Variants in PUS7L observed in about 807,000 individuals in gnomAD.
The protein encoded by PUS7L is pseudouridylate synthase PUS7L.
PUS7L carries 49 observed loss-of-function variants against 51.1 expected under a neutral mutation model. That is an observed-to-expected ratio of 0.96 (90% CI 0.76 to 1.22). The LOEUF is 1.22. Ranked by LOEUF, PUS7L falls within the 50% of genes most tolerant of loss-of-function variation. PUS7L has a pLI of 0.00. For missense variants in PUS7L, 828 were observed against 820.6 expected, an observed-to-expected ratio of 1.01 and a Z score of -0.11; for synonymous variants, 277 against 276.2, an observed-to-expected ratio of 1.00 and a Z score of -0.03.
rs1190649399 is a variant in PUS7L, at chr12:43,721,396, A to T, written c.*8980T>A. 1 of 152,212 alleles carries T rather than the reference A, an allele frequency of 6.6e-6. No individual in the cohort carries two copies. Among genetic ancestry groups the T allele is most frequent in the Non-Finnish European group, 1.5e-5 (1 of 68,028 alleles). The allele number at this position is 152,212 out of a possible 1,614,324, so 9.4% of individuals were successfully genotyped here. On this transcript the variant is annotated 3_prime_UTR_variant, in exon 9 of 9. Transcript: ENST00000344862. ...TAAAAGGCAAAGATGAAAGTATTAC[A>T]AAAGAAAAAGCATTATAAAGATACC...
At chr12:43,737,598 T>A (rs1247069893) in intron 6 of PUS7L, among the ~76,000 whole-genome samples, 1 of 150,712 alleles carries the variant, frequency 6.6e-6, no homozygotes, top group African/African-American at 2.4e-5. Context: ...ATAAATAATA[T>A]TATTTAAATA....
At position 43,719,885 on chromosome 12, in the gene PUS7L, T is replaced by C. The variant is rs1944377056; in HGVS notation, c.*10491A>G. 6.6e-6 allele frequency: 1 copy of C among 152,222 alleles called. No individual in the cohort carries two copies. The highest frequency in any genetic ancestry group is 2.4e-5 in the African/African-American group (1 of 41,464). 9.4% of individuals were successfully genotyped at this position (152,222 alleles called of 1,614,324 possible). ...CACAAGTATGTCAGCTCTACTAGTA[T>C]TTTCAACAAACCAACTTTTGGATTT... is the stretch of plus-strand genomic sequence containing the variant. On this transcript the variant is annotated 3_prime_UTR_variant, in exon 9 of 9. Transcript: ENST00000344862.
In PUS7L at chr12:43,719,234, T is replaced by C. The variant is rs1944367197; in HGVS notation, c.*11142A>G. On this transcript the variant is annotated 3_prime_UTR_variant, in exon 9 of 9. Coordinates refer to ENST00000344862, the MANE Select transcript of PUS7L (RefSeq NM_031292.5). The stretch of plus-strand genomic sequence containing the variant: ...GATTGATCTCAGAAACAGTATTGAG[T>C]AAAACAAGGAAGACACAAACACAGA... The C allele has an allele frequency of 6.6e-6, 1 of 152,074 alleles. No individual in the cohort carries two copies. Among genetic ancestry groups the C allele is most frequent in the Admixed American group, 6.5e-5 (1 of 15,286 alleles). The allele number at this position is 152,074 out of a possible 1,614,324, so 9.4% of individuals were successfully genotyped here.
intron 2 of PUS7L, among the ~76,000 whole-genome samples, chr12:43,750,992 C>T (rs943831897): frequency 5.9e-5 from 9 of 152,084 alleles, no homozygotes; most frequent in African/African-American, 9.7e-5. Context: ...TGCATGTCTA[C>T]GGTTAAATGC....
intron 3 of PUS7L, among the ~76,000 whole-genome samples, chr12:43,746,866 AC>A (rs1938197289): frequency 6.6e-6 from 1 of 152,190 alleles, no homozygotes. Flanking sequence ...TCTTACTATT[AC>A]TTGAAGTGTA....
At chr12:43,751,748 T>G (rs1222737033) in intron 2 of PUS7L, among the ~76,000 whole-genome samples, 1 of 152,184 alleles carries the variant, frequency 6.6e-6, no homozygotes, top group Admixed American at 6.5e-5. Context: ...GTATTTCTAG[T>G]TCTAGATCCC....
At chr12:43,744,023 G>T (rs765340472) in intron 4 of PUS7L, among the ~76,000 whole-genome samples, 9 of 152,136 alleles carry the variant, frequency 5.9e-5, no homozygotes, top group Non-Finnish European at 1.0e-4. Flanking sequence ...ACTAATGGAA[G>T]TTGGCTAAAA....
At chr12:43,732,371 C>T (rs1250762673) in intron 7 of PUS7L, among the ~76,000 whole-genome samples, 1 of 151,760 alleles carries the variant, frequency 6.6e-6, no homozygotes, top group Non-Finnish European at 1.5e-5. Flanking sequence ...CGCTTGATCC[C>T]AGGAGCTAAA....
chr12:43,728,970 C>G lies in PUS7L; in HGVS notation c.*1406G>C, dbSNP rs1428128799. ...AACTGGGTTAGTTTGTCTCCAATAT[C>G]TGTGCTTTTAATCACTATGCTAACA... is the stretch of plus-strand genomic sequence containing the variant. On this transcript the variant is annotated 3_prime_UTR_variant, in exon 9 of 9. Transcript: ENST00000344862. 6.1e-6 allele frequency: 2 copies of G among 327,446 alleles called. No homozygotes were observed. Among genetic ancestry groups the G allele is most frequent in the Admixed American group, 4.9e-5 (1 of 20,454 alleles). 20.3% of individuals were successfully genotyped at this position (327,446 alleles called of 1,614,324 possible).
chr12:43,739,620 G>C (rs776865124), intron 5 of PUS7L: 5 of 152,140 alleles, frequency 3.3e-5, no homozygotes, highest in Non-Finnish European at 7.3e-5. Flanking sequence ...TTTTAGTAGA[G>C]ACAGTCTTTA....
chr12:43,755,217 C>A lies in PUS7L; in HGVS notation c.29G>T (p.Arg10Met). The A allele has an allele frequency of 6.2e-7, 1 of 1,605,382 alleles. No homozygotes were observed. The highest frequency in any genetic ancestry group is 8.5e-7 in the Non-Finnish European group (1 of 1,176,110). ...ATTAAAGAAACACAAAGAACTAAAC[C>A]TGATTCTATAATCTGTATCTTCTTC... MEEDTDYRI[R>M]FSSLCFFNDH... Residue 10 changes from arginine to methionine, a missense_variant, in exon 2 of 9, where the codon AGG (arginine) becomes ATG (methionine). Coordinates refer to ENST00000344862, the MANE Select transcript of PUS7L (RefSeq NM_031292.5).
intron 7 of PUS7L, among the ~76,000 whole-genome samples, chr12:43,732,616 T>C (rs963623710): frequency 6.6e-6 from 1 of 152,184 alleles, no homozygotes; most frequent in Non-Finnish European, 1.5e-5. Flanking sequence ...CTTTCTCTTA[T>C]ACATGAAAGC....
intron 6 of PUS7L, chr12:43,738,093 C>T (rs980332738): frequency 9.3e-6 from 4 of 431,666 alleles, no homozygotes; most frequent in African/African-American, 2.1e-5. Context: ...ATTGCCCCTA[C>T]CCCTAGACAA....
At chr12:43,745,574 A>G (rs543827708) in intron 4 of PUS7L, among the ~76,000 whole-genome samples, 1 of 152,328 alleles carries the variant, frequency 6.6e-6, no homozygotes, top group South Asian at 2.1e-4. Flanking sequence ...ATCCCCAGCC[A>G]TGCTGAACTG....
intron 8 of PUS7L, 58 bp from the exon 9 acceptor site, chr12:43,730,760 T>G: frequency 8.7e-7 from 1 of 1,153,072 alleles, no homozygotes; most frequent in Non-Finnish European, 1.2e-6. Context: ...TACATGATCA[T>G]ATTTTTAATG....
At chr12:43,737,235 T>C (rs1463648910) in intron 6 of PUS7L, among the ~76,000 whole-genome samples, 1 of 152,192 alleles carries the variant, frequency 6.6e-6, no homozygotes, top group Non-Finnish European at 1.5e-5. Flanking sequence ...GTGTTTCTTA[T>C]GCATATGAAT....
intron 7 of PUS7L, among the ~76,000 whole-genome samples, chr12:43,734,460 T>G (rs1045725843): frequency 6.6e-6 from 1 of 152,160 alleles, no homozygotes; most frequent in Admixed American, 6.5e-5. Context: ...ACCAATAAAT[T>G]CCCATGTTTC....
rs896364089 is a variant in PUS7L at position 43,719,028 on chromosome 12, T to C, written c.*11348A>G. 2.6e-5 allele frequency: 4 copies of C among 151,350 alleles called. No homozygotes were observed. The highest frequency in any genetic ancestry group is 5.9e-5 in the Non-Finnish European group (4 of 67,874). The allele number at this position is 151,350 out of a possible 1,614,324, so 9.4% of individuals were successfully genotyped here. The stretch of plus-strand genomic sequence containing the variant: ...ATATTTATTCTTGCATTCTAAAAAA[T>C]TTGATACATAACAATATAAAAGTCC... On this transcript the variant is annotated 3_prime_UTR_variant, in exon 9 of 9. Transcript: ENST00000344862.
At chr12:43,756,049 T>C (rs895327468) in intron 1 of PUS7L, among the ~76,000 whole-genome samples, 2 of 152,198 alleles carry the variant, frequency 1.3e-5, no homozygotes, top group African/African-American at 4.8e-5. Context: ...TAGTGAGTTC[T>C]GTGTTTCCCC....
Sources: allele counts gnomAD v4.1 joint callset (sites outside exome capture counted in the v4.1 genomes callset), GRCh38; gene constraint gnomAD v4.1.1; transcripts MANE v1.5; gene names NCBI Gene and HGNC (gene_info 2026-07-23, HGNC 2026-07-21).